Variants in RBM26 observed in about 807,000 individuals in gnomAD.
RBM26 encodes RNA-binding protein 26.
RBM26 carries 30 observed loss-of-function variants against 123.6 expected under a neutral mutation model. The observed-to-expected ratio is 0.24, with a 90% CI of 0.18 to 0.33. RBM26 has a LOEUF of 0.33. Among genes scored for constraint, RBM26 ranks in the 10% least tolerant of loss-of-function variants. The pLI is 1.00. For synonymous variants in RBM26, 400 were observed against 404.4 expected (o/e 0.99, Z 0.13); for missense variants, 947 against 1,203.6 (o/e 0.79, Z 3.15).
At chr13:79,381,128 C>T (rs561937510) in intron 1 of RBM26, among the ~76,000 whole-genome samples, 10 of 152,142 alleles carry the variant, frequency 6.6e-5, no homozygotes, top group Admixed American at 5.9e-4. Context: ...ATTTTACATA[C>T]TATATTGGGC....
At chr13:79,341,758 C>G (rs183983074) in intron 17 of RBM26, among the ~76,000 whole-genome samples, 155 of 151,788 alleles carry the variant, frequency 1.0e-3, no homozygotes, top group Admixed American at 3.2e-3. Flanking sequence ...AGAATTGTTT[C>G]ACTTGTTCAA....
At chr13:79,323,407 A>G (rs1389489880) in intron 20 of RBM26, among the ~76,000 whole-genome samples, 5 of 151,616 alleles carry the variant, frequency 3.3e-5, no homozygotes, top group Non-Finnish European at 7.4e-5. Flanking sequence ...TGATAAATTT[A>G]AAAGATTTCA....
In RBM26 at chr13:79,319,536, A is replaced by C. The variant is rs540349426; in HGVS notation, c.*1085T>G. ...AAAATATCAGACTGGAACACTTACC[A>C]AACAGTGTTTTCCTAAAGTAGTATC... On this transcript the variant is annotated 3_prime_UTR_variant, in exon 22 of 22. Transcript: ENST00000438737. 37 of 983,318 alleles carry C rather than the reference A, an allele frequency of 3.8e-5. No individual in the cohort carries two copies. Among genetic ancestry groups the C allele is most frequent in the Non-Finnish European group, 4.3e-5 (36 of 828,304 alleles). The allele number at this position is 983,318 out of a possible 1,614,324, so 60.9% of individuals were successfully genotyped here.
At chr13:79,389,454 C>T (rs1006092375) in intron 1 of RBM26, 1 of 151,794 alleles carries the variant, frequency 6.6e-6, no homozygotes, top group East Asian at 1.9e-4. Context: ...AAAAAAGAAA[C>T]GGGAAAAAAA....
At chr13:79,350,066 T>C (rs1594195624) in intron 14 of RBM26, among the ~76,000 whole-genome samples, 1 of 152,186 alleles carries the variant, frequency 6.6e-6, no homozygotes, top group African/African-American at 2.4e-5. Flanking sequence ...AGGAAACATA[T>C]TAAGATTTGC....
chr13:79,361,402 T>C (rs2074669302), intron 9 of RBM26, among the ~76,000 whole-genome samples: 1 of 152,156 alleles, frequency 6.6e-6, no homozygotes, highest in African/African-American at 2.4e-5. Flanking sequence ...GTTTTCCCTT[T>C]AGCAACAACA....
chr13:79,319,551 AAAG>A lies in RBM26; in HGVS notation c.*1067_*1069del. ...AACACTTACCAAACAGTGTTTTCCTAAAGTAGTATCTATAGTACATTTCTTTAT... is the reference window on the plus strand; with the variant it reads ...AACACTTACCAAACAGTGTTTTCCTATAGTATCTATAGTACATTTCTTTAT... On this transcript the variant is annotated 3_prime_UTR_variant, in exon 22 of 22. Coordinates refer to ENST00000438737, the MANE Select transcript of RBM26 (RefSeq NM_001366735.2). 2.0e-6 allele frequency: 2 copies of A among 983,024 alleles called. No individual in the cohort carries two copies. Among genetic ancestry groups the A allele is most frequent in the Non-Finnish European group, 2.4e-6 (2 of 827,904 alleles). The allele number at this position is 983,024 out of a possible 1,614,324, so 60.9% of individuals were successfully genotyped here. A position where few individuals can be genotyped will look rare whatever the true frequency, so the allele number is the denominator to read the frequency against.
rs1198763975 is a variant in RBM26 at position 79,354,523 on chromosome 13, C to A, written c.1902G>T (p.Gln634His). ...VQQPILPVVK[Q>H]SVKERLGPVP... ...CTGGACCCAGCCGCTCTTTGACTGACTGCTTCACAACAGGCAAAATGGGCT... is the reference window on the plus strand; with the variant it reads ...CTGGACCCAGCCGCTCTTTGACTGAATGCTTCACAACAGGCAAAATGGGCT... Residue 634 changes from glutamine (Q) to histidine (H), a missense_variant, in exon 13 of 22, where the codon CAG (glutamine) becomes CAT (histidine). Coordinates refer to ENST00000438737, the MANE Select transcript of RBM26 (RefSeq NM_001366735.2). 4 of 1,608,930 alleles carry A rather than the reference C, an allele frequency of 2.5e-6. No individual in the cohort carries two copies. Among genetic ancestry groups the A allele is most frequent in the Non-Finnish European group, 2.6e-6 (3 of 1,176,462 alleles).
At position 79,366,890 on chromosome 13, in the gene RBM26, T is replaced by G. The variant is rs1594376749; in HGVS notation, c.896-18A>C. On this transcript the variant is annotated intron_variant, in intron 6 of 21. Coordinates refer to ENST00000438737, the MANE Select transcript of RBM26 (RefSeq NM_001366735.2). ...ACCCTTTTCTATGAGGAAGGAATAG[T>G]TAGAAACAAATGTCAAAAGCACTGG... 1 of 1,550,642 alleles carries G rather than the reference T, an allele frequency of 6.4e-7. No homozygotes were observed. Among genetic ancestry groups the G allele is most frequent in the Non-Finnish European group, 8.7e-7 (1 of 1,143,468 alleles).
chr13:79,357,070 G>C (rs144680427), intron 11 of RBM26, among the ~76,000 whole-genome samples: 321 of 152,182 alleles, frequency 2.1e-3, no homozygotes, highest in African/African-American at 7.4e-3. Context: ...CAGATAAATA[G>C]ACACAGAATT....
At chr13:79,372,837 A>G (rs1328981896) in intron 3 of RBM26, among the ~76,000 whole-genome samples, 1 of 97,708 alleles carries the variant, frequency 1.0e-5, no homozygotes, top group Non-Finnish European at 1.7e-5. Flanking sequence ...TTTTATATAA[A>G]TATATTATAT....
intron 20 of RBM26, among the ~76,000 whole-genome samples, chr13:79,327,780 G>T (rs1042495376): frequency 6.6e-6 from 1 of 152,106 alleles, no homozygotes; most frequent in Non-Finnish European, 1.5e-5. Flanking sequence ...ACCATAAGCA[G>T]GAAGGGTGGG....
chr13:79,344,626 T>TC lies in RBM26; in HGVS notation c.2184+42dup, dbSNP rs546168296. The TC allele has an allele frequency of 9.9e-4, 1,547 of 1,563,292 alleles. 16 individuals are homozygous for TC. In the African/African-American group the frequency reaches 0.019, roughly 20 times the overall value. On this transcript the variant is annotated intron_variant, in intron 15 of 21. Coordinates refer to ENST00000438737, the MANE Select transcript of RBM26 (RefSeq NM_001366735.2). ...AAAAACACATACACAAGGAAAGCTT[T>TC]CCTATATGCAAAAATTTTTTATACT...
chr13:79,356,356 T>C lies in RBM26; in HGVS notation c.1690-972A>G, dbSNP rs140436280. ...CTCACTCTGGCCTCAGTGACAAGAG[T>C]GAGACTCTGTCTCAAAAAAAAAAAA... On this transcript the variant is annotated intron_variant, in intron 11 of 21. Coordinates refer to ENST00000438737, the MANE Select transcript of RBM26 (RefSeq NM_001366735.2). 1.4e-3 allele frequency among the ~76,000 whole-genome samples: 175 copies of C among 123,846 alleles called. 2 individuals carry two copies. The highest frequency in any genetic ancestry group is 5.0e-3 in the African/African-American group (167 of 33,258). 81.2% of individuals were successfully genotyped at this position (123,846 alleles called of 152,430 possible).
chr13:79,368,023 TTTTTTA>T (rs2075497971), intron 6 of RBM26, among the ~76,000 whole-genome samples: 1 of 3,880 alleles, frequency 2.6e-4, no homozygotes. Flanking sequence ...TTCTTTTTAT[TTTTTTA>T]TTTTTATTTT....
intron 17 of RBM26, among the ~76,000 whole-genome samples, chr13:79,341,730 T>A (rs2071406907): frequency 6.6e-6 from 1 of 151,766 alleles, no homozygotes; most frequent in Non-Finnish European, 1.5e-5. Flanking sequence ...TTTTATATAG[T>A]TTTGCTTTTG....
chr13:79,390,903 A>G (rs1318669736), intron 1 of RBM26, among the ~76,000 whole-genome samples: 3 of 152,204 alleles, frequency 2.0e-5, no homozygotes, highest in Non-Finnish European at 4.4e-5. Flanking sequence ...AGAATAGTGT[A>G]AAAGATATAG....
intron 10 of RBM26, 118 bp downstream of exon 10, chr13:79,359,457 T>G (rs2074408134): frequency 2.0e-6 from 1 of 511,224 alleles, no homozygotes; most frequent in Non-Finnish European, 3.5e-6. Flanking sequence ...ACTTGGGGAT[T>G]GCTTACAGAA....
intron 1 of RBM26, among the ~76,000 whole-genome samples, chr13:79,386,591 TA>T (rs398023598): frequency 0.36 from 33,195 of 92,434 alleles, 6,490 homozygotes; most frequent in Non-Finnish European, 0.46. Flanking sequence ...ACTCTCTCTT[TA>T]AAAAAAAAAA....
Sources: gnomAD v4.1 joint callset for allele counts (sites outside exome capture counted in the v4.1 genomes callset) on GRCh38, gnomAD v4.1.1 for gene constraint, MANE v1.5 for transcripts, NCBI Gene and HGNC (gene_info 2026-07-23, HGNC 2026-07-21) for gene names.